Variants in ANKRD11 observed in about 807,000 individuals in gnomAD.
The protein encoded by ANKRD11 is ankyrin repeat domain-containing protein 11.
In ANKRD11, 17 loss-of-function variants were observed where a neutral mutation model predicts 195.7. The observed-to-expected ratio is 0.09, with a 90% CI of 0.06 to 0.13. The LOEUF is 0.13. Among genes scored for constraint, ANKRD11 ranks in the 10% least tolerant of loss-of-function variants. The pLI, the probability that ANKRD11 is intolerant of heterozygous loss-of-function variation, is 1.00. For missense variants in ANKRD11, 3,735 were observed against 3,566.1 expected (o/e 1.05, Z -1.21); for synonymous variants, 1,953 against 1,528.1 (o/e 1.28, Z -6.49).
intron 2 of ANKRD11, among the ~76,000 whole-genome samples, chr16:89,334,085 G>A (rs568912809): frequency 1.6e-4 from 23 of 146,432 alleles, no homozygotes; most frequent in Non-Finnish European, 2.5e-4. Context: ...GCTGAGGTGG[G>A]TGGATCACTT....
At chr16:89,451,101 C>G (rs1473223218) in intron 1 of ANKRD11, among the ~76,000 whole-genome samples, 1 of 152,176 alleles carries the variant, frequency 6.6e-6, no homozygotes, top group Non-Finnish European at 1.5e-5. Flanking sequence ...ACAGAGAAAC[C>G]TATGGCTGGC....
intron 12 of ANKRD11, 46 bp from the exon 13 acceptor site, chr16:89,268,709 G>A: frequency 1.3e-6 from 2 of 1,552,968 alleles, no homozygotes; most frequent in Non-Finnish European, 1.7e-6. Context: ...AGTGAAGGGA[G>A]AGCCCCAGAC....
chr16:89,363,797 T>C (rs2039832193), intron 2 of ANKRD11, among the ~76,000 whole-genome samples: 2 of 152,056 alleles, frequency 1.3e-5, no homozygotes, highest in Non-Finnish European at 2.9e-5. Flanking sequence ...GACTCATGCC[T>C]GGAGCACAGC....
At chr16:89,394,878 G>A (rs556194402) in intron 2 of ANKRD11, among the ~76,000 whole-genome samples, 2 of 152,290 alleles carry the variant, frequency 1.3e-5, no homozygotes, top group East Asian at 1.9e-4. Flanking sequence ...CAGGTTGGCT[G>A]TAGCACTGTT....
At chr16:89,426,767 C>G (rs1316221418) in intron 1 of ANKRD11, among the ~76,000 whole-genome samples, 1 of 152,202 alleles carries the variant, frequency 6.6e-6, no homozygotes, top group Non-Finnish European at 1.5e-5. Flanking sequence ...TTGGCCTCAC[C>G]ATTTTATGAT....
At chr16:89,292,900 G>T (rs2035158024) in intron 4 of ANKRD11, among the ~76,000 whole-genome samples, 1 of 152,226 alleles carries the variant, frequency 6.6e-6, no homozygotes, top group Non-Finnish European at 1.5e-5. Flanking sequence ...CTGCCCGGGG[G>T]CCGGCCCTCC....
At chr16:89,387,020 C>A (rs945244332) in intron 2 of ANKRD11, among the ~76,000 whole-genome samples, 8 of 151,944 alleles carry the variant, frequency 5.3e-5, no homozygotes, top group African/African-American at 1.9e-4. Flanking sequence ...GGAGGCCGCC[C>A]GTGGTGACAG....
intron 4 of ANKRD11, chr16:89,300,009 T>C (rs2035740492): frequency 5.8e-6 from 1 of 172,178 alleles, no homozygotes; most frequent in African/African-American, 3.7e-5. Context: ...CTGTGTGGGG[T>C]GCCTGCCCTG....
At chr16:89,451,977 C>T (rs2044096347) in intron 1 of ANKRD11, among the ~76,000 whole-genome samples, 1 of 151,972 alleles carries the variant, frequency 6.6e-6, no homozygotes, top group South Asian at 2.1e-4. Flanking sequence ...AGCTCATTTG[C>T]GCCGGGTGCA....
intron 1 of ANKRD11, among the ~76,000 whole-genome samples, chr16:89,488,162 A>T (rs2057684109): frequency 6.6e-6 from 1 of 152,364 alleles, no homozygotes; most frequent in East Asian, 1.9e-4. Flanking sequence ...AAAACTGCTG[A>T]AAGTTTCAAG....
intron 2 of ANKRD11, among the ~76,000 whole-genome samples, chr16:89,384,403 T>C (rs2040800092): frequency 6.6e-6 from 1 of 151,988 alleles, no homozygotes; most frequent in Non-Finnish European, 1.5e-5. Context: ...TAGTGGTGCA[T>C]GGCTGTAATC....
rs753581064 is a variant in ANKRD11, at chr16:89,447,804, CTTTTTTTT to C, written c.-144-29444_-144-29437del. On this transcript the variant is annotated intron_variant, in intron 1 of 12. Transcript: ENST00000301030. ...TTTTCCTAAAATACAATAACTTTTT[CTTTTTTTT>C]TTTTTTTTTGGAGACAAAGTCTCAC... 6.8e-4 allele frequency among the ~76,000 whole-genome samples: 92 copies of C among 135,282 alleles called. 1 individual carries two copies. Among genetic ancestry groups the C allele is most frequent in the African/African-American group, 2.4e-3 (88 of 35,922 alleles). The allele number at this position is 135,282 out of a possible 152,430, so 88.8% of individuals were successfully genotyped here. A position where few individuals can be genotyped will look rare whatever the true frequency, so the allele number is the denominator to read the frequency against.
intron 2 of ANKRD11, among the ~76,000 whole-genome samples, chr16:89,407,802 A>G (rs1323199894): frequency 6.8e-6 from 1 of 146,580 alleles, no homozygotes; most frequent in African/African-American, 2.5e-5. Context: ...ATGAGCCGTG[A>G]TCCGGCCACT....
intron 2 of ANKRD11, among the ~76,000 whole-genome samples, chr16:89,379,582 G>A (rs963589744): frequency 5.3e-5 from 8 of 152,194 alleles, no homozygotes; most frequent in African/African-American, 1.4e-4. Context: ...GGGCTCAAGT[G>A]ACACTTCTGC....
intron 2 of ANKRD11, among the ~76,000 whole-genome samples, chr16:89,331,813 C>T (rs1479786027): frequency 6.6e-6 from 1 of 152,142 alleles, no homozygotes; most frequent in Non-Finnish European, 1.5e-5. Context: ...TTCATTTAGT[C>T]TAAGATACGG....
chr16:89,419,965 G>C (rs749591116), intron 1 of ANKRD11: 2 of 152,234 alleles, frequency 1.3e-5, no homozygotes, highest in African/African-American at 2.4e-5. Context: ...CTTGAGCCCA[G>C]AAGTTGGAGA....
At chr16:89,306,569 C>T (rs1172866294) in intron 3 of ANKRD11, among the ~76,000 whole-genome samples, 1 of 90,526 alleles carries the variant, frequency 1.1e-5, no homozygotes, top group Admixed American at 1.2e-4. Flanking sequence ...CGCAGACACG[C>T]GCCACCTCCC....
At chr16:89,296,006 T>TTTTTTTTTTTTA (rs1567600750) in intron 4 of ANKRD11, among the ~76,000 whole-genome samples, 16 of 137,878 alleles carry the variant, frequency 1.2e-4, no homozygotes, top group South Asian at 4.8e-4. Context: ...TTTTTTTTTT[T>TTTTTTTTTTTTA]GAGACAAGGT....
intron 3 of ANKRD11, among the ~76,000 whole-genome samples, chr16:89,309,387 A>G (rs8058604): frequency 0.011 from 1,667 of 152,334 alleles, 35 homozygotes; most frequent in African/African-American, 0.038. Flanking sequence ...AATGGGGAAC[A>G]TTACTGAAGG....
Sources: gnomAD v4.1 joint callset for allele counts (sites outside exome capture counted in the v4.1 genomes callset) on GRCh38, gnomAD v4.1.1 for gene constraint, MANE v1.5 for transcripts, NCBI Gene and HGNC (gene_info 2026-07-23, HGNC 2026-07-21) for gene names.